B4GALT5: variants seen among roughly 807,000 people sequenced by gnomAD.
B4GALT5 encodes the protein beta-1,4-galactosyltransferase 5.
In B4GALT5, 11 loss-of-function variants were observed where a neutral mutation model predicts 45.0. That is an observed-to-expected ratio of 0.24 (90% CI 0.15 to 0.40). The LOEUF (loss-of-function observed/expected upper bound fraction) is 0.40. B4GALT5 is among the 10% of genes least tolerant of loss of function. The pLI is 1.00. For synonymous variants in B4GALT5, 185 were observed against 182.9 expected, an observed-to-expected ratio of 1.01 and a Z score of -0.09; for missense variants, 337 against 500.2, an observed-to-expected ratio of 0.67 and a Z score of 3.11.
intron 1 of B4GALT5, among the ~76,000 whole-genome samples, chr20:49,657,650 G>A (rs756790993): frequency 3.3e-5 from 5 of 152,166 alleles, no homozygotes; most frequent in African/African-American, 1.2e-4. Context: ...AACTTTGTGG[G>A]TGTCTGGGGG....
intron 1 of B4GALT5, among the ~76,000 whole-genome samples, chr20:49,707,909 C>T (rs2146363533): frequency 6.7e-6 from 1 of 150,132 alleles, no homozygotes; most frequent in South Asian, 2.1e-4. Context: ...CCACCTTGCC[C>T]AGCCTTTTTT....
At chr20:49,647,148 A>C in intron 2 of B4GALT5, 70 bp from the exon 3 acceptor site, 1 of 883,660 alleles carries the variant, frequency 1.1e-6, no homozygotes, top group Non-Finnish European at 1.8e-6. Context: ...TCAGATGCCT[A>C]CCAAGTAAGT....
Position 49,635,552 on chromosome 20 carries a change from C to G in B4GALT5, c.*760G>C, listed in dbSNP as rs139998990. 4 of 152,340 alleles carry G rather than the reference C, an allele frequency of 2.6e-5. No individual in the cohort carries two copies. Among genetic ancestry groups the G allele is most frequent in the Non-Finnish European group, 4.4e-5 (3 of 68,026 alleles). 9.4% of individuals were successfully genotyped at this position (152,340 alleles called of 1,614,324 possible). A position where few individuals can be genotyped will look rare whatever the true frequency, so the allele number is the denominator to read the frequency against. ...CTCCCTCGCCAAAGTGACAGCAATT[C>G]GGGAGATGACATTCTTCAACTGCAT... On this transcript the variant is annotated 3_prime_UTR_variant, in exon 9 of 9. Coordinates refer to ENST00000371711, the MANE Select transcript of B4GALT5 (RefSeq NM_004776.4).
Position 49,643,510 on chromosome 20 carries a change from T to C in B4GALT5, c.489+16A>G. On this transcript the variant is annotated intron_variant, in intron 4 of 8. Coordinates refer to ENST00000371711, the MANE Select transcript of B4GALT5 (RefSeq NM_004776.4). ...GGTGGGCTTCTCAGCATTTTGGCTG[T>C]GACTTCACACCCTACCTTCCACCGA... 6.2e-7 allele frequency: 1 copy of C among 1,613,454 alleles called. No individual in the cohort carries two copies. The highest frequency in any genetic ancestry group is 1.1e-5 in the South Asian group (1 of 91,028).
intron 1 of B4GALT5, among the ~76,000 whole-genome samples, chr20:49,683,384 A>G (rs2085772004): frequency 6.9e-6 from 1 of 144,474 alleles, no homozygotes; most frequent in Non-Finnish European, 1.5e-5. Flanking sequence ...GACAGGTTTA[A>G]ATTTTTTTTT....
Position 49,637,455 on chromosome 20 carries a change from A to G in B4GALT5, c.918-13T>C, listed in dbSNP as rs1210209627. On this transcript the variant is annotated splice_polypyrimidine_tract_variant and intron_variant, in intron 7 of 8. Transcript: ENST00000371711. ...TGCATTCTGTACTCTGTCCAAGACC[A>G]AGAGAACAGGCTTTTAGATACAACG... 1 of 1,601,776 alleles carries G rather than the reference A, an allele frequency of 6.2e-7. No homozygotes were observed. Among genetic ancestry groups the G allele is most frequent in the Non-Finnish European group, 8.6e-7 (1 of 1,168,706 alleles).
At chr20:49,640,774 G>A in intron 5 of B4GALT5, 109 bp from the exon 6 acceptor site, 1 of 1,166,786 alleles carries the variant, frequency 8.6e-7, no homozygotes, top group Non-Finnish European at 1.2e-6. Flanking sequence ...AGATCACTGG[G>A]CTAGTGTAAC....
chr20:49,684,929 T>TCA (rs1282195197), intron 1 of B4GALT5, among the ~76,000 whole-genome samples: 1 of 152,220 alleles, frequency 6.6e-6, no homozygotes, highest in Non-Finnish European at 1.5e-5. Flanking sequence ...CTTCAGGAAG[T>TCA]CACAGTTATT....
chr20:49,646,877 T>C, intron 3 of B4GALT5, 88 bp downstream of exon 3: 1 of 778,990 alleles, frequency 1.3e-6, no homozygotes. Context: ...GTATTTATAT[T>C]CTCTCTGCAG....
At chr20:49,688,143 G>C (rs1425047508) in intron 1 of B4GALT5, among the ~76,000 whole-genome samples, 1 of 152,140 alleles carries the variant, frequency 6.6e-6, no homozygotes, top group African/African-American at 2.4e-5. Flanking sequence ...TCTCAGGCCT[G>C]AAGAAAGAAA....
chr20:49,685,967 T>C (rs2085783617), intron 1 of B4GALT5, among the ~76,000 whole-genome samples: 1 of 151,982 alleles, frequency 6.6e-6, no homozygotes, highest in Non-Finnish European at 1.5e-5. Flanking sequence ...CAGAGGGATT[T>C]CTCCTTTCTC....
chr20:49,670,620 G>A (rs1483051656), intron 1 of B4GALT5, among the ~76,000 whole-genome samples: 2 of 152,170 alleles, frequency 1.3e-5, no homozygotes, highest in East Asian at 1.9e-4. Context: ...ACACTGAACT[G>A]CTATCTGCCT....
chr20:49,674,044 T>A (rs981457225), intron 1 of B4GALT5, among the ~76,000 whole-genome samples: 5 of 134,802 alleles, frequency 3.7e-5, no homozygotes, highest in Non-Finnish European at 7.7e-5. Flanking sequence ...TAGACCATCC[T>A]GGCTAACACA....
At chr20:49,686,728 C>CAAAAAAA (rs59766440) in intron 1 of B4GALT5, among the ~76,000 whole-genome samples, 2 of 59,464 alleles carry the variant, frequency 3.4e-5, no homozygotes, top group African/African-American at 7.2e-5. Context: ...TGTCTCTGCC[C>CAAAAAAA]AAAAAAAAAA....
intron 2 of B4GALT5, among the ~76,000 whole-genome samples, chr20:49,649,850 T>C (rs1180910180): frequency 6.6e-6 from 1 of 152,188 alleles, no homozygotes; most frequent in African/African-American, 2.4e-5. Context: ...GATACGCCCA[T>C]GTGTGGCAAG....
At chr20:49,698,182 G>T (rs1436954849) in intron 1 of B4GALT5, among the ~76,000 whole-genome samples, 1 of 152,102 alleles carries the variant, frequency 6.6e-6, no homozygotes, top group Admixed American at 6.6e-5. Flanking sequence ...AATTAGCCGG[G>T]CATGGTGGCA....
At chr20:49,672,590 T>C (rs1405251527) in intron 1 of B4GALT5, among the ~76,000 whole-genome samples, 1 of 152,188 alleles carries the variant, frequency 6.6e-6, no homozygotes, top group East Asian at 1.9e-4. Context: ...ACATAAACTT[T>C]TCTTTCTTTA....
chr20:49,653,926 AG>A (rs1290727650), intron 2 of B4GALT5, among the ~76,000 whole-genome samples: 1 of 152,228 alleles, frequency 6.6e-6, no homozygotes, highest in African/African-American at 2.4e-5. Flanking sequence ...ACAGCAACTC[AG>A]GAAGTAGCGC....
chr20:49,651,136 A>T (rs369660854), intron 2 of B4GALT5, among the ~76,000 whole-genome samples: 42 of 152,178 alleles, frequency 2.8e-4, no homozygotes, highest in African/African-American at 9.2e-4. Flanking sequence ...AATACAAAAA[A>T]TTAGCCAGGC....
Sources: gnomAD v4.1 joint callset for allele counts (sites outside exome capture counted in the v4.1 genomes callset) on GRCh38, gnomAD v4.1.1 for gene constraint, MANE v1.5 for transcripts, NCBI Gene and HGNC (gene_info 2026-07-23, HGNC 2026-07-21) for gene names.